INPP5B: variants seen among roughly 807,000 people sequenced by gnomAD.
INPP5B encodes type II inositol 1,4,5-trisphosphate 5-phosphatase.
In INPP5B, 90 loss-of-function variants were observed where a neutral mutation model predicts 118.5. The observed-to-expected ratio is 0.76, with a 90% CI of 0.64 to 0.90. The LOEUF is 0.90. Ranked by LOEUF, INPP5B falls within the 40% of genes least tolerant of loss-of-function variation. The probability of loss-of-function intolerance (pLI) is 0.00; values close to 1 mark genes in which losing one functional copy is unlikely to be tolerated. For synonymous variants in INPP5B, 385 were observed against 418.9 expected (o/e 0.92, Z 0.99); for missense variants, 984 against 1,125.6 (o/e 0.87, Z 1.80).
intron 14 of INPP5B, among the ~76,000 whole-genome samples, chr1:37,880,658 G>A (rs561243845): frequency 6.6e-6 from 1 of 151,888 alleles, no homozygotes; most frequent in Non-Finnish European, 1.5e-5. Flanking sequence ...GGCTGGTCTC[G>A]AACTCCTGAC....
intron 18 of INPP5B, 75 bp downstream of exon 18, chr1:37,873,918 T>G: frequency 8.2e-7 from 1 of 1,222,292 alleles, no homozygotes; most frequent in Non-Finnish European, 1.1e-6. Context: ...AAAAGCTCAT[T>G]TTAGGAAAAT....
In INPP5B at chr1:37,943,668, C is replaced by T; in HGVS notation, c.252G>A (p.Val84=). The part of the protein sequence containing the change: ...PVSRDFTLEE[V]SPDGELYILG... ...GGATGTAGAGTTCACCATCTGGGGA[C>T]ACTGTGGGGAGGGAAATGAGAATGC... Residue 84 remains valine (V), a splice_region_variant and synonymous_variant, in exon 5 of 24, where the codon GTG becomes GTA. Coordinates refer to ENST00000373024, the MANE Select transcript of INPP5B (RefSeq NM_005540.3). 6.2e-7 allele frequency: 1 copy of T among 1,614,030 alleles called. No homozygotes were observed. Among genetic ancestry groups the T allele is most frequent in the South Asian group, 1.1e-5 (1 of 91,072 alleles).
intron 3 of INPP5B, among the ~76,000 whole-genome samples, chr1:37,944,584 GT>G (rs71057107): frequency 3.5e-5 from 5 of 143,128 alleles, no homozygotes; most frequent in South Asian, 4.5e-4. Context: ...CATGGTGTTC[GT>G]TTTTTTTTTC....
chr1:37,864,443 G>T lies in INPP5B; in HGVS notation c.2515-20C>A. 7.0e-7 allele frequency: 1 copy of T among 1,433,162 alleles called. No individual in the cohort carries two copies. The highest frequency in any genetic ancestry group is 9.8e-7 in the Non-Finnish European group (1 of 1,017,320). 88.8% of individuals were successfully genotyped at this position (1,433,162 alleles called of 1,614,324 possible). A position where few individuals can be genotyped will look rare whatever the true frequency, so the allele number is the denominator to read the frequency against. On this transcript the variant is annotated intron_variant, in intron 22 of 23. Coordinates refer to ENST00000373024, the MANE Select transcript of INPP5B (RefSeq NM_005540.3). ...AATGACCTGAAAGAGGAAGAACCGG[G>T]ATTTGTCTTTTGTTCACTGAATCAT... is the stretch of plus-strand genomic sequence containing the variant.
intron 7 of INPP5B, among the ~76,000 whole-genome samples, chr1:37,894,538 A>C (rs1406003961): frequency 6.7e-6 from 1 of 149,798 alleles, no homozygotes; most frequent in Non-Finnish European, 1.5e-5. Flanking sequence ...CTGAATCCCC[A>C]TGCGTCTATG....
intron 16 of INPP5B, 71 bp downstream of exon 16, chr1:37,878,117 C>T: frequency 6.5e-7 from 1 of 1,541,362 alleles, no homozygotes; most frequent in East Asian, 2.3e-5. Context: ...ACCAGAAAGA[C>T]AAGAAATGGT....
At chr1:37,862,505 G>T in intron 23 of INPP5B, 75 bp from the exon 24 acceptor site, 2 of 895,046 alleles carry the variant, frequency 2.2e-6, no homozygotes, top group Non-Finnish European at 3.7e-6. Flanking sequence ...TAACGACAGG[G>T]ATATGTTCTG....
chr1:37,862,480 AAGAC>A lies in INPP5B; in HGVS notation c.2627-54_2627-51del, dbSNP rs759426872. 3.0e-5 allele frequency: 34 copies of A among 1,137,162 alleles called. 1 individual carries two copies. The South Asian group carries it at 3.7e-4, about 12-fold the overall frequency. 70.4% of individuals were successfully genotyped at this position (1,137,162 alleles called of 1,614,324 possible). ...AATGATTCAGCAAAAGAAGGTACTA[AAGAC>A]ACACATCACTTAACGACAGGGATAT... On this transcript the variant is annotated intron_variant, in intron 23 of 23. Coordinates refer to ENST00000373024, the MANE Select transcript of INPP5B (RefSeq NM_005540.3).
intron 7 of INPP5B, among the ~76,000 whole-genome samples, chr1:37,897,857 G>A (rs1159573696): frequency 6.6e-6 from 1 of 152,092 alleles, no homozygotes; most frequent in Non-Finnish European, 1.5e-5. Context: ...GGTTACTTGA[G>A]CCCAGGAGTT....
At chr1:37,946,475 C>T in intron 1 of INPP5B, 141 bp from the exon 2 acceptor site, 1 of 631,296 alleles carries the variant, frequency 1.6e-6, no homozygotes, top group South Asian at 1.9e-5. Context: ...CCTCCTCCTC[C>T]TCCTCTTTGT....
chr1:37,906,984 T>G (rs578151498), intron 7 of INPP5B, among the ~76,000 whole-genome samples: 1 of 152,312 alleles, frequency 6.6e-6, no homozygotes, highest in South Asian at 2.1e-4. Flanking sequence ...AACCAACTAG[T>G]GATCTCTGGT....
chr1:37,912,729 G>A lies in INPP5B; in HGVS notation c.532+19184C>T, dbSNP rs555516412. 1.5e-3 allele frequency among the ~76,000 whole-genome samples: 224 copies of A among 152,124 alleles called. 2 individuals carry two copies. The highest frequency in any genetic ancestry group is 2.9e-3 in the Non-Finnish European group (195 of 68,002). On this transcript the variant is annotated intron_variant, in intron 7 of 23. Transcript: ENST00000373024. ...GAACTTTGCTGACAGGGCACCCTCC[G>A]ATACTTTTACCCTGATGAAGTCCTA... is the stretch of plus-strand genomic sequence containing the variant.
chr1:37,866,353 T>G, intron 21 of INPP5B, 106 bp downstream of exon 21: 1 of 655,730 alleles, frequency 1.5e-6, no homozygotes, highest in Non-Finnish European at 2.7e-6. Flanking sequence ...AGCCATAAAA[T>G]ACTTTACTTT....
At chr1:37,939,660 A>G (rs551079752) in intron 6 of INPP5B, among the ~76,000 whole-genome samples, 107 of 123,786 alleles carry the variant, frequency 8.6e-4, no homozygotes, top group African/African-American at 1.4e-3. Context: ...AGCTAGGATG[A>G]TCTCGATCTC....
Position 37,890,772 on chromosome 1 carries a change from T to C in INPP5B, c.629+586A>G, listed in dbSNP as rs1169499563. On this transcript the variant is annotated intron_variant, in intron 8 of 23. Transcript: ENST00000373024. ...CAGTTCCAAATCCTAGATTGACCACTTGATAATTCTGGGACCTTGGGTGAG... is the reference window on the plus strand; with the variant it reads ...CAGTTCCAAATCCTAGATTGACCACCTGATAATTCTGGGACCTTGGGTGAG... Among the ~76,000 whole-genome samples, 13 of 152,296 alleles carry C rather than the reference T, an allele frequency of 8.5e-5. No individual in the cohort carries two copies. The East Asian group carries it at 9.6e-4, about 11-fold the overall frequency.
rs528037021 is a variant in INPP5B at position 37,902,104 on chromosome 1, G to A, written c.533-10650C>T. Reference sequence around the variant, plus strand: ...GAGTTGAAGCGATTCTCCTGCCTCAGCCTCTCAAGAAAGCTGGGATCACAG... The same window carrying A: ...GAGTTGAAGCGATTCTCCTGCCTCAACCTCTCAAGAAAGCTGGGATCACAG... On this transcript the variant is annotated intron_variant, in intron 7 of 23. Transcript: ENST00000373024. 7.9e-5 allele frequency among the ~76,000 whole-genome samples: 12 copies of A among 151,850 alleles called. No individual in the cohort carries two copies. In the South Asian group the frequency reaches 2.5e-3, roughly 32 times the overall value.
At chr1:37,886,548 T>C (rs779740617) in intron 12 of INPP5B, among the ~76,000 whole-genome samples, 1 of 152,178 alleles carries the variant, frequency 6.6e-6, no homozygotes, top group Non-Finnish European at 1.5e-5. Flanking sequence ...ATGGCCTCAA[T>C]AAGAAGAGGA....
At position 37,927,767 on chromosome 1, in the gene INPP5B, G is replaced by A. The variant is rs573830319; in HGVS notation, c.532+4146C>T. Among the ~76,000 whole-genome samples the A allele has an allele frequency of 6.6e-3, 1,011 of 152,068 alleles. 7 individuals are homozygous for A. The highest frequency in any genetic ancestry group is 0.018 in the Admixed American group (279 of 15,272). ...TTAGCCAGGATGGTCTCAATCTCCT[G>A]ACCTCGTGATCCGCCCTCCTTGGCC... On this transcript the variant is annotated intron_variant, in intron 7 of 23. Transcript: ENST00000373024.
chr1:37,931,691 G>A (rs747331884), intron 7 of INPP5B: 1 of 1,530,000 alleles, frequency 6.5e-7, no homozygotes, highest in Non-Finnish European at 8.8e-7. Flanking sequence ...TTGCGCTCCC[G>A]AGAGCCGGCG....
Sources: gnomAD v4.1 joint callset for allele counts (sites outside exome capture counted in the v4.1 genomes callset) on GRCh38, gnomAD v4.1.1 for gene constraint, MANE v1.5 for transcripts, NCBI Gene and HGNC (gene_info 2026-07-23, HGNC 2026-07-21) for gene names.